The following CNNM2 variants were observed in gnomAD, a reference collection of about 807,000 sequenced individuals.
CNNM2 encodes the protein cyclin and CBS domain divalent metal cation transport mediator 2, also known as metal transporter CNNM2.
In CNNM2, 12 loss-of-function variants were observed where a neutral mutation model predicts 66.9. The observed-to-expected ratio is 0.18, with a 90% CI of 0.11 to 0.29. The LOEUF (loss-of-function observed/expected upper bound fraction) is 0.29, where lower values mean the gene tolerates loss of function less well. Ranked by LOEUF, CNNM2 falls within the 10% of genes least tolerant of loss-of-function variation. CNNM2 has a pLI of 1.00. For synonymous variants in CNNM2, 557 were observed against 501.8 expected (o/e 1.11, Z -1.47); for missense variants, 705 against 1,167.7 (o/e 0.60, Z 5.77).
chr10:102,920,121 T>C lies in CNNM2; in HGVS notation c.1621+20T>C. ...AGAAAGGTGGGAAATTTTGGTCTCT[T>C]TCATTGGCTTGCTCTTTCTCTCTCC... is the stretch of plus-strand genomic sequence containing the variant. On this transcript the variant is annotated intron_variant, in intron 1 of 7. Transcript: ENST00000369878. 6.2e-7 allele frequency: 1 copy of C among 1,614,136 alleles called. No homozygotes were observed. Among genetic ancestry groups the C allele is most frequent in the Non-Finnish European group, 8.5e-7 (1 of 1,180,028 alleles).
At chr10:102,995,593 G>C (rs1045999383) in intron 1 of CNNM2, among the ~76,000 whole-genome samples, 9 of 147,682 alleles carry the variant, frequency 6.1e-5, no homozygotes, top group African/African-American at 2.3e-4. Context: ...AAGTTTTCAG[G>C]TTATGTAGAT....
intron 1 of CNNM2, among the ~76,000 whole-genome samples, chr10:103,020,536 A>G (rs1479008253): frequency 6.6e-6 from 1 of 152,208 alleles, no homozygotes; most frequent in Non-Finnish European, 1.5e-5. Flanking sequence ...AATTGTTTTA[A>G]GCTTTGGGAA....
intron 1 of CNNM2, among the ~76,000 whole-genome samples, chr10:102,988,293 G>T (rs760257886): frequency 7.9e-5 from 12 of 151,932 alleles, no homozygotes; most frequent in Non-Finnish European, 1.8e-4. Context: ...ACAGAGCGAG[G>T]CTGTTTCAAA....
chr10:102,957,099 C>T (rs369142419), intron 1 of CNNM2, among the ~76,000 whole-genome samples: 7 of 152,100 alleles, frequency 4.6e-5, no homozygotes, highest in Middle Eastern at 3.4e-3. Context: ...GTCAGGAGTT[C>T]GAAACCAGCC....
chr10:102,923,501 C>T (rs1467421707), intron 1 of CNNM2, among the ~76,000 whole-genome samples: 1 of 152,176 alleles, frequency 6.6e-6, no homozygotes, highest in African/African-American at 2.4e-5. Flanking sequence ...CTCTTAACCT[C>T]TCTCTTATGC....
At chr10:103,022,390 T>C (rs1299022645) in intron 1 of CNNM2, among the ~76,000 whole-genome samples, 1 of 152,232 alleles carries the variant, frequency 6.6e-6, no homozygotes, top group East Asian at 1.9e-4. Context: ...CTTCATCCCC[T>C]ATTGTCAGCT....
chr10:102,990,974 C>G (rs2063888146), intron 1 of CNNM2, among the ~76,000 whole-genome samples: 2 of 152,208 alleles, frequency 1.3e-5, no homozygotes, highest in South Asian at 4.2e-4. Context: ...CTTACATTTT[C>G]CATTGTGGCT....
At chr10:102,930,615 T>C (rs539536345) in intron 1 of CNNM2, among the ~76,000 whole-genome samples, 145 of 152,368 alleles carry the variant, frequency 9.5e-4, no homozygotes, top group Non-Finnish European at 1.7e-3. Flanking sequence ...CTTTTTGGTA[T>C]GTTCACAAGG....
At chr10:102,940,014 C>T (rs1459610653) in intron 1 of CNNM2, among the ~76,000 whole-genome samples, 1 of 131,748 alleles carries the variant, frequency 7.6e-6, no homozygotes, top group Non-Finnish European at 1.7e-5. Context: ...AAAAAAACCG[C>T]CATGTAGGAG....
intron 5 of CNNM2, 64 bp from the exon 6 acceptor site, chr10:103,071,710 G>T: frequency 4.7e-6 from 6 of 1,267,066 alleles, no homozygotes; most frequent in Non-Finnish European, 6.9e-6. Context: ...CCTGTCCCTT[G>T]ATTACAGAGA....
intron 1 of CNNM2, among the ~76,000 whole-genome samples, chr10:102,974,751 G>T (rs2063599312): frequency 6.6e-6 from 1 of 152,012 alleles, no homozygotes; most frequent in Non-Finnish European, 1.5e-5. Flanking sequence ...AGCCCAGGCT[G>T]GTCTTGAACT....
At chr10:102,943,251 C>G (rs544663177) in intron 1 of CNNM2, among the ~76,000 whole-genome samples, 6 of 151,328 alleles carry the variant, frequency 4.0e-5, no homozygotes, top group African/African-American at 1.5e-4. Context: ...ACCAAAAAAA[C>G]CCACCAAAAA....
intron 1 of CNNM2, among the ~76,000 whole-genome samples, chr10:102,990,147 G>A (rs2063873555): frequency 6.6e-6 from 1 of 151,994 alleles, no homozygotes; most frequent in Non-Finnish European, 1.5e-5. Flanking sequence ...TTTGTTTTTA[G>A]TAGAGATAGG....
At chr10:102,957,579 G>T (rs747592102) in intron 1 of CNNM2, among the ~76,000 whole-genome samples, 2 of 152,296 alleles carry the variant, frequency 1.3e-5, no homozygotes, top group African/African-American at 2.4e-5. Context: ...AGAAATCAAA[G>T]AATTGTTTTT....
chr10:102,922,742 A>C (rs1845696239), intron 1 of CNNM2, among the ~76,000 whole-genome samples: 1 of 152,066 alleles, frequency 6.6e-6, no homozygotes, highest in African/African-American at 2.4e-5. Flanking sequence ...AGAGTTTGAG[A>C]CTAGCCTGGG....
At chr10:103,035,955 C>G (rs1322093131) in intron 1 of CNNM2, among the ~76,000 whole-genome samples, 1 of 152,196 alleles carries the variant, frequency 6.6e-6, no homozygotes, top group Non-Finnish European at 1.5e-5. Flanking sequence ...GCATAGCGCA[C>G]ACACATTAGT....
At chr10:103,018,686 C>CTGTTT (rs2064503901) in intron 1 of CNNM2, among the ~76,000 whole-genome samples, 1 of 116,294 alleles carries the variant, frequency 8.6e-6, no homozygotes, top group African/African-American at 3.5e-5. Context: ...CTCTTCTTTC[C>CTGTTT]TTTTTTTTTT....
intron 1 of CNNM2, chr10:102,921,065 G>A (rs1845615555): frequency 3.1e-6 from 3 of 977,338 alleles, no homozygotes; most frequent in Non-Finnish European, 3.6e-6. Flanking sequence ...GTTCCAAGAT[G>A]CTTATACAGT....
intron 4 of CNNM2, among the ~76,000 whole-genome samples, chr10:103,066,472 C>G (rs1319730734): frequency 2.0e-5 from 3 of 152,162 alleles, no homozygotes; most frequent in Admixed American, 6.5e-5. Flanking sequence ...CTCGTGGAAG[C>G]AGACTCTGTT....
Sources: allele counts gnomAD v4.1 joint callset (sites outside exome capture counted in the v4.1 genomes callset), GRCh38; gene constraint gnomAD v4.1.1; transcripts MANE v1.5; gene names NCBI Gene and HGNC (gene_info 2026-07-23, HGNC 2026-07-21).